PTK2B: variants seen among roughly 807,000 people sequenced by gnomAD.
PTK2B encodes protein-tyrosine kinase 2-beta.
In PTK2B, 71 loss-of-function variants were observed where a neutral mutation model predicts 142.9. The ratio of observed to expected loss-of-function variants is 0.50; its 90% confidence interval spans 0.41 to 0.61. The LOEUF is 0.61. PTK2B is among the 20% of genes least tolerant of loss of function. The pLI, the probability that PTK2B is intolerant of heterozygous loss-of-function variation, is 0.00. For missense variants in PTK2B, 1,105 were observed against 1,320.4 expected, an observed-to-expected ratio of 0.84 and a Z score of 2.53; for synonymous variants, 519 against 503.4, an observed-to-expected ratio of 1.03 and a Z score of -0.42.
chr8:27,412,448 C>T lies in PTK2B; in HGVS notation c.205-7447C>T, dbSNP rs1809127304. On this transcript the variant is annotated intron_variant, in intron 2 of 30. Coordinates refer to ENST00000346049, the MANE Select transcript of PTK2B (RefSeq NM_173176.3). ...TCCAAGGGTTTAAACACCCCCTCTG[C>T]AGAACCAAGGACAAAAACTCATCAA... Among the ~76,000 whole-genome samples the T allele has an allele frequency of 1.3e-5, 2 of 152,158 alleles. 1 individual carries two copies. The highest frequency in any genetic ancestry group is 4.1e-4 in the South Asian group (2 of 4,824).
intron 30 of PTK2B, among the ~76,000 whole-genome samples, chr8:27,455,652 C>A (rs924047726): frequency 2.0e-5 from 3 of 152,230 alleles, no homozygotes; most frequent in African/African-American, 7.2e-5. Flanking sequence ...AAGGCAGCAG[C>A]CTGTCAGAGC....
At chr8:27,430,528 C>A in intron 7 of PTK2B, 110 bp downstream of exon 7, 2 of 1,432,556 alleles carry the variant, frequency 1.4e-6, no homozygotes, top group Non-Finnish European at 2.0e-6. Context: ...TCTGCGCGGC[C>A]TCGGGCATTT....
chr8:27,316,991 G>A (rs1250448919), intron 3 of PTK2B, among the ~76,000 whole-genome samples: 2 of 152,152 alleles, frequency 1.3e-5, no homozygotes, highest in Non-Finnish European at 2.9e-5. Flanking sequence ...GAGGCAAAAG[G>A]CATCCACTGT....
upstream of PTK2B, chr8:27,311,380 G>A (rs996027583): frequency 2.0e-5 from 22 of 1,103,188 alleles, no homozygotes; most frequent in Admixed American, 9.3e-5. Flanking sequence ...GGCCAATCGT[G>A]CGGGGGGGAT....
intron 5 of PTK2B, among the ~76,000 whole-genome samples, chr8:27,422,832 C>T (rs1273667592): frequency 6.6e-6 from 1 of 152,184 alleles, no homozygotes; most frequent in Non-Finnish European, 1.5e-5. Context: ...CAGAGAGGCC[C>T]TCACACTTCC....
At chr8:27,314,952 T>G (rs1460984574) in intron 3 of PTK2B, among the ~76,000 whole-genome samples, 1 of 152,176 alleles carries the variant, frequency 6.6e-6, no homozygotes, top group African/African-American at 2.4e-5. Context: ...TAAATAAACT[T>G]CTATCCCTTT....
chr8:27,324,836 C>A (rs1803320705), upstream of PTK2B, among the ~76,000 whole-genome samples: 1 of 152,182 alleles, frequency 6.6e-6, no homozygotes, highest in Admixed American at 6.5e-5. Context: ...CTGGAGTTTT[C>A]CTAGGGATAG....
intron 1 of PTK2B, among the ~76,000 whole-genome samples, chr8:27,360,185 C>CA: frequency 6.6e-6 from 1 of 152,338 alleles, no homozygotes; most frequent in African/African-American, 2.4e-5. Flanking sequence ...GGCAAAAGCT[C>CA]ACTTTCATTT....
At chr8:27,324,874 G>A (rs1264748285), upstream of PTK2B, among the ~76,000 whole-genome samples, 1 of 152,166 alleles carries the variant, frequency 6.6e-6, no homozygotes, top group Admixed American at 6.5e-5. Context: ...GTGCCCTTGA[G>A]TGCCTGCTCA....
At position 27,383,550 on chromosome 8, in the gene PTK2B, C is replaced by T. The variant is rs1462985277; in HGVS notation, c.-37-13998C>T. ...CTGGGATTACAGGTGTGAGCCACCG[C>T]GCCTGGCCTCCTCTGTTTCTTTCAT... On this transcript the variant is annotated intron_variant, in intron 1 of 30. Coordinates refer to ENST00000346049, the MANE Select transcript of PTK2B (RefSeq NM_173176.3). Among the ~76,000 whole-genome samples, 8 of 151,972 alleles carry T rather than the reference C, an allele frequency of 5.3e-5. No homozygotes were observed. The East Asian group carries it at 5.8e-4, about 11-fold the overall frequency.
Position 27,403,408 on chromosome 8 carries a change from C to T in PTK2B, c.204+5620C>T, listed in dbSNP as rs78087268. Among the ~76,000 whole-genome samples the T allele has an allele frequency of 3.2e-3, 480 of 152,210 alleles. 10 individuals are homozygous for T. The East Asian group carries it at 0.036, about 11-fold the overall frequency. ...TATTCTCTGCTTTTTTTTCTGCAGACGTAGTAGCTTCATTGTGATTTCTCC... is the reference window on the plus strand; with the variant it reads ...TATTCTCTGCTTTTTTTTCTGCAGATGTAGTAGCTTCATTGTGATTTCTCC... On this transcript the variant is annotated intron_variant, in intron 2 of 30. Coordinates refer to ENST00000346049, the MANE Select transcript of PTK2B (RefSeq NM_173176.3).
intron 1 of PTK2B, among the ~76,000 whole-genome samples, chr8:27,358,503 A>G (rs1347697716): frequency 6.6e-6 from 1 of 152,082 alleles, no homozygotes; most frequent in Non-Finnish European, 1.5e-5. Context: ...TCACTTAGTA[A>G]CTGGTTTATA....
chr8:27,360,639 G>A (rs78497241), intron 1 of PTK2B, among the ~76,000 whole-genome samples: 59 of 152,054 alleles, frequency 3.9e-4, no homozygotes, highest in Non-Finnish European at 5.9e-4. Flanking sequence ...GTGGGGGTGG[G>A]TGAGAGGGCA....
At chr8:27,407,758 T>C (rs1208337831) in intron 2 of PTK2B, among the ~76,000 whole-genome samples, 1 of 152,212 alleles carries the variant, frequency 6.6e-6, no homozygotes. Flanking sequence ...CTTCTTGGGT[T>C]AATCAACTCC....
At chr8:27,435,433 G>A (rs1289967299) in intron 13 of PTK2B, among the ~76,000 whole-genome samples, 1 of 152,206 alleles carries the variant, frequency 6.6e-6, no homozygotes, top group African/African-American at 2.4e-5. Flanking sequence ...CATGCAACAG[G>A]TATTATTTGA....
chr8:27,445,608 C>T (rs930865372), intron 23 of PTK2B, among the ~76,000 whole-genome samples, 186 bp from the exon 24 acceptor site: 5 of 152,098 alleles, frequency 3.3e-5, no homozygotes, highest in African/African-American at 9.7e-5. Context: ...TGAGAGGCTG[C>T]ACTGCTCCAC....
chr8:27,422,149 C>T, intron 4 of PTK2B, 155 bp from the exon 5 acceptor site: 1 of 628,144 alleles, frequency 1.6e-6, no homozygotes, highest in Non-Finnish European at 2.6e-6. Flanking sequence ...ACCCTTTCCC[C>T]TCGTGCTCTC....
At chr8:27,361,297 C>T (rs1030057409) in intron 1 of PTK2B, among the ~76,000 whole-genome samples, 1 of 152,186 alleles carries the variant, frequency 6.6e-6, no homozygotes, top group Non-Finnish European at 1.5e-5. Context: ...TAGCTCACTA[C>T]AGCCTCGAAC....
intron 1 of PTK2B, among the ~76,000 whole-genome samples, chr8:27,353,760 A>G (rs1287969011): frequency 1.3e-5 from 2 of 152,334 alleles, no homozygotes; most frequent in East Asian, 3.9e-4. Flanking sequence ...AAACCTTATC[A>G]GTCACTTAGA....
Sources: gnomAD v4.1 joint callset for allele counts (sites outside exome capture counted in the v4.1 genomes callset) on GRCh38, gnomAD v4.1.1 for gene constraint, MANE v1.5 for transcripts, NCBI Gene and HGNC (gene_info 2026-07-23, HGNC 2026-07-21) for gene names.